The following H2AZ1 variants were observed in gnomAD, a reference collection of about 807,000 sequenced individuals.
H2AZ1 encodes H2A.Z variant histone 1.
A neutral mutation model predicts 16.6 loss-of-function variants in H2AZ1; 3 were observed. The observed-to-expected ratio is 0.18, with a 90% CI of 0.08 to 0.47. The LOEUF (loss-of-function observed/expected upper bound fraction) is 0.47, where lower values mean the gene tolerates loss of function less well. Ranked by LOEUF, H2AZ1 falls within the 20% of genes least tolerant of loss-of-function variation. The pLI is 0.98. For synonymous variants in H2AZ1, 78 were observed against 60.7 expected (o/e 1.28, Z -1.32); for missense variants, 27 against 163.6 (o/e 0.17, Z 4.55).
chr4:99,948,440 T>A lies in H2AZ1; in HGVS notation c.*22A>T, dbSNP rs763465722. On this transcript the variant is annotated 3_prime_UTR_variant, in exon 5 of 5. Transcript: ENST00000296417. ...TGTTAGAGTATTTAGAGTCCTGAGATAACAAGGAATCCAGGCATCCTTTAG... is the reference window on the plus strand; with the variant it reads ...TGTTAGAGTATTTAGAGTCCTGAGAAAACAAGGAATCCAGGCATCCTTTAG... 5.5e-6 allele frequency: 7 copies of A among 1,277,290 alleles called. No individual in the cohort carries two copies. In the Admixed American group the frequency reaches 1.2e-4, roughly 21 times the overall value. 79.1% of individuals were successfully genotyped at this position (1,277,290 alleles called of 1,614,324 possible). A position where few individuals can be genotyped will look rare whatever the true frequency, so the allele number is the denominator to read the frequency against.
chr4:99,949,107 TCAA>T, intron 3 of H2AZ1, 163 bp downstream of exon 3: 1 of 669,770 alleles, frequency 1.5e-6, no homozygotes, highest in Non-Finnish European at 2.7e-6. Context: ...AGCAGAGAAC[TCAA>T]GCTCAGTAGG....
In H2AZ1 at chr4:99,948,528, G is replaced by A. The variant is rs1727189455; in HGVS notation, c.326-5C>T. 5 of 1,611,224 alleles carry A rather than the reference G, an allele frequency of 3.1e-6. No individual in the cohort carries two copies. Among genetic ancestry groups the A allele is most frequent in the South Asian group, 2.2e-5 (2 of 91,022 alleles). On this transcript the variant is annotated splice_region_variant and splice_polypyrimidine_tract_variant and intron_variant, in intron 4 of 4. Coordinates refer to ENST00000296417, the MANE Select transcript of H2AZ1 (RefSeq NM_002106.4). ...TGTGGATGTGTGGAATGACACCTAG[G>A]AGAGTGACAGGAATTAATTCTACTT...
intron 3 of H2AZ1, 123 bp downstream of exon 3, chr4:99,949,150 G>T (rs955364625): frequency 1.6e-5 from 11 of 667,870 alleles, no homozygotes; most frequent in Non-Finnish European, 2.9e-5. Flanking sequence ...TCCCTCTAGC[G>T]TTCTCTTAGG....
chr4:99,948,550 A>T (rs754878863), intron 4 of H2AZ1, 27 bp from the exon 5 acceptor site: 2 of 1,607,502 alleles, frequency 1.2e-6, no homozygotes, highest in Non-Finnish European at 1.7e-6. Flanking sequence ...AATTAATTCT[A>T]CTTAAGATTT....
chr4:99,949,125 T>C, intron 3 of H2AZ1, 148 bp downstream of exon 3: 1 of 661,326 alleles, frequency 1.5e-6, no homozygotes, highest in Non-Finnish European at 2.7e-6. Flanking sequence ...AGTAGGATCC[T>C]TGTTGAACAC....
Position 99,949,694 on chromosome 4 carries a change from G to A in H2AZ1, c.50C>T (p.Ala17Val), listed in dbSNP as rs1727231181. 1 of 1,614,040 alleles carries A rather than the reference G, an allele frequency of 6.2e-7. No individual in the cohort carries two copies. Among genetic ancestry groups the A allele is most frequent in the Non-Finnish European group, 8.5e-7 (1 of 1,179,946 alleles). Residue 17 changes from alanine to valine, a missense_variant, in exon 2 of 5, where the codon GCG (alanine) becomes GTG (valine). Ala to Val is a moderately conservative substitution (Grantham distance 64). This residue lies in a region of H2AZ1 where 13 missense variants were observed against 34.8 expected (regional missense o/e 0.37). Coordinates refer to ENST00000296417, the MANE Select transcript of H2AZ1 (RefSeq NM_002106.4). ...GKDSGKAKTK[A>V]VSRSQRAGLQ... The stretch of plus-strand genomic sequence containing the variant: ...GCCGGCTCTCTGCGAGCGGGAAACC[G>A]CCTTTGTCTTGGCCTTTCCGGAGTC...
chr4:99,949,787 G>A lies in H2AZ1; in HGVS notation c.4-47C>T. ...GAGCGGAGGAGGAACGGAGAATATAGAATTACCAAGGCGGCGCGCCCATCC... is the reference window on the plus strand; with the variant it reads ...GAGCGGAGGAGGAACGGAGAATATAAAATTACCAAGGCGGCGCGCCCATCC... On this transcript the variant is annotated intron_variant, in intron 1 of 4. Coordinates refer to ENST00000296417, the MANE Select transcript of H2AZ1 (RefSeq NM_002106.4). 3.4e-6 allele frequency: 5 copies of A among 1,458,686 alleles called. No individual in the cohort carries two copies. In the East Asian group the frequency reaches 9.2e-5, roughly 27 times the overall value. The allele number at this position is 1,458,686 out of a possible 1,614,324, so 90.4% of individuals were successfully genotyped here.
rs374372807 is a variant in H2AZ1 at position 99,949,769 on chromosome 4, G to A, written c.4-29C>T. 4.5e-6 allele frequency: 7 copies of A among 1,566,314 alleles called. No homozygotes were observed. The African/African-American group carries it at 5.5e-5, about 12-fold the overall frequency. On this transcript the variant is annotated intron_variant, in intron 1 of 4. Transcript: ENST00000296417. ...CGGCGCGCACACGCCCGCGAGCGGA[G>A]GAGGAACGGAGAATATAGAATTACC...
intron 3 of H2AZ1, 71 bp from the exon 4 acceptor site, chr4:99,949,011 C>G: frequency 2.1e-6 from 2 of 935,070 alleles, no homozygotes; most frequent in South Asian, 2.7e-5. Flanking sequence ...GAATAAAACC[C>G]TCACAAACGC....
Position 99,949,747 on chromosome 4 carries a change from C to G in H2AZ1, c.4-7G>C. 1.2e-6 allele frequency: 2 copies of G among 1,604,952 alleles called. No homozygotes were observed. The highest frequency in any genetic ancestry group is 1.7e-6 in the Non-Finnish European group (2 of 1,174,904). On this transcript the variant is annotated splice_polypyrimidine_tract_variant and splice_region_variant and intron_variant, in intron 1 of 4. Transcript: ENST00000296417. ...TTCCAGCCTTACCGCCAGCCTGCGG[C>G]GCGCACACGCCCGCGAGCGGAGGAG...
intron 2 of H2AZ1, 65 bp downstream of exon 2, chr4:99,949,597 GA>G: frequency 6.8e-7 from 1 of 1,463,726 alleles, no homozygotes; most frequent in Non-Finnish European, 9.6e-7. Flanking sequence ...CGAGAGCGAT[GA>G]ATAACAAAAA....
In H2AZ1 at chr4:99,950,182, C is replaced by G; in HGVS notation, c.-12G>C. 1 of 1,608,832 alleles carries G rather than the reference C, an allele frequency of 6.2e-7. No homozygotes were observed. The highest frequency in any genetic ancestry group is 8.5e-7 in the Non-Finnish European group (1 of 1,177,590). On this transcript the variant is annotated 5_prime_UTR_variant, in exon 1 of 5. Transcript: ENST00000296417. ...GCGAAGTTTACCATTTCGAATTCCG[C>G]TGAAGCTCAAGCAAGCAAGGCAGAG...
At position 99,948,237 on chromosome 4, in the gene H2AZ1, G is replaced by A; in HGVS notation, c.*225C>T. On this transcript the variant is annotated 3_prime_UTR_variant, in exon 5 of 5. Coordinates refer to ENST00000296417, the MANE Select transcript of H2AZ1 (RefSeq NM_002106.4). Reference sequence around the variant, plus strand: ...AACTCAATCAAAACCCACTACTTCAGAATCAATAGCTTCTTTGAAGCCACA... The same window carrying A: ...AACTCAATCAAAACCCACTACTTCAAAATCAATAGCTTCTTTGAAGCCACA... The A allele has an allele frequency of 1.4e-6, 1 of 695,660 alleles. No homozygotes were observed. Among genetic ancestry groups the A allele is most frequent in the East Asian group, 2.7e-5 (1 of 37,214 alleles). The allele number at this position is 695,660 out of a possible 1,614,324, so 43.1% of individuals were successfully genotyped here.
chr4:99,949,542 C>T (rs1434876137), intron 2 of H2AZ1, 121 bp downstream of exon 2: 4 of 1,076,064 alleles, frequency 3.7e-6, no homozygotes, highest in African/African-American at 1.5e-5. Flanking sequence ...TATGGGCAGC[C>T]CAAGTCGCGA....
In H2AZ1 at chr4:99,948,982, G is replaced by A. The variant is rs746676079; in HGVS notation, c.196-42C>T. 5.8e-6 allele frequency: 7 copies of A among 1,201,454 alleles called. 1 individual carries two copies. The highest frequency in any genetic ancestry group is 1.5e-5 in the African/African-American group (1 of 66,696). 74.4% of individuals were successfully genotyped at this position (1,201,454 alleles called of 1,614,324 possible). A position where few individuals can be genotyped will look rare whatever the true frequency, so the allele number is the denominator to read the frequency against. ...GTCAGTTGCCTTCCAACTTTCCTTT[G>A]GCCAAGATTCAGAGAACAGAATAAA... On this transcript the variant is annotated intron_variant, in intron 3 of 4. Coordinates refer to ENST00000296417, the MANE Select transcript of H2AZ1 (RefSeq NM_002106.4).
Position 99,949,384 on chromosome 4 carries a change from G to C in H2AZ1, c.84C>G (p.Phe28Leu). 6.3e-7 allele frequency: 1 copy of C among 1,587,928 alleles called. No individual in the cohort carries two copies. Reference protein sequence around the residue: ...VSRSQRAGLQFPVGRIHRHLK... With the variant: ...VSRSQRAGLQLPVGRIHRHLK... ...GGTGTCGATGAATACGGCCCACTGG[G>C]AACTTAAATTTTAAGCATACACAAA... Residue 28 changes from phenylalanine to leucine, a missense_variant and splice_region_variant, in exon 3 of 5, where the codon TTC (phenylalanine) becomes TTG (leucine). This residue lies in a region of H2AZ1 where 13 missense variants were observed against 34.8 expected (regional missense o/e 0.37). Transcript: ENST00000296417.
At chr4:99,950,040 C>G (rs1727243612) in intron 1 of H2AZ1, 128 bp downstream of exon 1, 8 of 855,668 alleles carry the variant, frequency 9.3e-6, no homozygotes, top group Non-Finnish European at 1.5e-5. Context: ...ACACCTCCCC[C>G]CACTCTTCTA....
rs774636266 is a variant in H2AZ1 at position 99,948,799 on chromosome 4, A to G, written c.325+12T>C. The stretch of plus-strand genomic sequence containing the variant: ...CTGAAGAAATTTTTTAAAATGTTAG[A>G]AGTTAACATACCACCACCAGCAATT... On this transcript the variant is annotated intron_variant, in intron 4 of 4. Coordinates refer to ENST00000296417, the MANE Select transcript of H2AZ1 (RefSeq NM_002106.4). The G allele has an allele frequency of 6.3e-7, 1 of 1,595,132 alleles. No individual in the cohort carries two copies. The highest frequency in any genetic ancestry group is 8.5e-7 in the Non-Finnish European group (1 of 1,171,870).
At chr4:99,948,994 G>C (rs1318757073) in intron 3 of H2AZ1, 54 bp from the exon 4 acceptor site, 3 of 1,085,190 alleles carry the variant, frequency 2.8e-6, no homozygotes, top group Non-Finnish European at 4.3e-6. Flanking sequence ...CCAAGATTCA[G>C]AGAACAGAAT....
Sources: allele counts gnomAD v4.1 joint callset, GRCh38; gene constraint gnomAD v4.1.1; regional missense constraint gnomAD v4.1.1; transcripts MANE v1.5; gene names NCBI Gene and HGNC (gene_info 2026-07-23, HGNC 2026-07-21).